The following TMEM259 variants were observed in gnomAD, a reference collection of about 807,000 sequenced individuals.
TMEM259 encodes the protein transmembrane protein 259.
TMEM259 carries 26 observed loss-of-function variants against 46.7 expected under a neutral mutation model. The ratio of observed to expected loss-of-function variants is 0.56; its 90% CI spans 0.41 to 0.77. The LOEUF (loss-of-function observed/expected upper bound fraction) is 0.77, where lower values mean the gene tolerates loss of function less well. Among genes scored for constraint, TMEM259 ranks in the 30% least tolerant of loss-of-function variants. The pLI, the probability that TMEM259 is intolerant of heterozygous loss-of-function variation, is 0.00. For missense variants in TMEM259, 930 were observed against 900.5 expected (o/e 1.03, Z -0.42); for synonymous variants, 494 against 395.1 (o/e 1.25, Z -2.97).
intron 10 of TMEM259, 77 bp downstream of exon 10, chr19:1,011,019 G>C: frequency 6.5e-7 from 1 of 1,547,292 alleles, no homozygotes; most frequent in Non-Finnish European, 8.7e-7. Context: ...ACCCCACAGG[G>C]CATCCTCCCC....
In TMEM259 at chr19:1,011,323, T is replaced by C. The variant is rs745585646; in HGVS notation, c.1217+44A>G. On this transcript the variant is annotated intron_variant, in intron 9 of 10. Transcript: ENST00000356663. ...CCTCCCTCTGGCAGCCCCCTACCCC[T>C]GCCCACCAGCACCCACTCCACCCTG... is the stretch of plus-strand genomic sequence containing the variant. 7 of 1,549,730 alleles carry C rather than the reference T, an allele frequency of 4.5e-6. No individual in the cohort carries two copies. The Admixed American group carries it at 1.3e-4, about 30-fold the overall frequency.
Position 1,009,979 on chromosome 19 carries a change from G to A in TMEM259, c.*371C>T, listed in dbSNP as rs1026700522. The stretch of plus-strand genomic sequence containing the variant: ...CTGAGGCCGGCCGGCACTAGGGCGC[G>A]AGGCCCCACCCCAAGCCGGCCTCTC... On this transcript the variant is annotated 3_prime_UTR_variant, in exon 11 of 11. Coordinates refer to ENST00000356663, the MANE Select transcript of TMEM259 (RefSeq NM_001033026.2). The A allele has an allele frequency of 4.9e-5, 16 of 323,812 alleles. No individual in the cohort carries two copies. The East Asian group carries it at 6.0e-4, about 12-fold the overall frequency. 20.1% of individuals were successfully genotyped at this position (323,812 alleles called of 1,614,324 possible).
At chr19:1,015,636 C>T (rs2039083074) in intron 1 of TMEM259, among the ~76,000 whole-genome samples, 1 of 151,642 alleles carries the variant, frequency 6.6e-6, no homozygotes, top group Admixed American at 6.6e-5. Context: ...AAGGGGGCGC[C>T]CACGGCCACA....
rs1045279225 is a variant in TMEM259 at position 1,011,235 on chromosome 19, C to T, written c.1218-40G>A. On this transcript the variant is annotated intron_variant, in intron 9 of 10. Coordinates refer to ENST00000356663, the MANE Select transcript of TMEM259 (RefSeq NM_001033026.2). Reference sequence around the variant, plus strand: ...GAGGGCGTCGGGGCTGCAGGTCCCACCCTGCCAGGCCCAGCCCCTGGGGTT... The same window carrying T: ...GAGGGCGTCGGGGCTGCAGGTCCCATCCTGCCAGGCCCAGCCCCTGGGGTT... 6 of 1,551,272 alleles carry T rather than the reference C, an allele frequency of 3.9e-6. No homozygotes were observed. In the East Asian group the frequency reaches 9.7e-5, roughly 25 times the overall value.
At chr19:1,015,830 C>T (rs1159408420) in intron 1 of TMEM259, among the ~76,000 whole-genome samples, 1 of 152,178 alleles carries the variant, frequency 6.6e-6, no homozygotes, top group Non-Finnish European at 1.5e-5. Context: ...CTCTTCCACG[C>T]CCACAGTGAG....
chr19:1,014,544 TGGG>T, intron 1 of TMEM259, 71 bp from the exon 2 acceptor site: 1 of 501,910 alleles, frequency 2.0e-6, no homozygotes, highest in East Asian at 3.7e-5. Flanking sequence ...GCCTACGTGA[TGGG>T]GCGTGATGGG....
intron 10 of TMEM259, 81 bp from the exon 11 acceptor site, chr19:1,010,976 G>C: frequency 6.5e-7 from 1 of 1,548,744 alleles, no homozygotes; most frequent in Admixed American, 1.9e-5. Flanking sequence ...GCCCACCCGG[G>C]ACCATCCACG....
rs751223604 is a variant in TMEM259 at position 1,011,759 on chromosome 19, G to C, written c.982C>G (p.Gln328Glu). The change falls in exon 7 of 11, where the codon CAG becomes GAG. Residue 328 changes from glutamine to glutamate, a missense_variant. Coordinates refer to ENST00000356663, the MANE Select transcript of TMEM259 (RefSeq NM_001033026.2). ...CACTCACCGATGAAGACGAAGATCT[G>C]GTGGTGTGAGTACCGCAGCAGCATG... ...VSMLLRYSHHQIFVFIVDLLQ... is the reference protein window; with the variant it reads ...VSMLLRYSHHEIFVFIVDLLQ... 2 of 1,557,380 alleles carry C rather than the reference G, an allele frequency of 1.3e-6. No individual in the cohort carries two copies.
chr19:1,011,346 C>T (rs1259632241), intron 9 of TMEM259, 21 bp downstream of exon 9: 1 of 1,562,550 alleles, frequency 6.4e-7, no homozygotes, highest in African/African-American at 1.4e-5. Context: ...CCACTCCACC[C>T]TGCCCCCGCG....
chr19:1,013,411 G>T, intron 2 of TMEM259, 71 bp from the exon 3 acceptor site: 2 of 1,486,516 alleles, frequency 1.3e-6, no homozygotes, highest in Admixed American at 3.5e-5. Context: ...TGAGGATACA[G>T]TCCTGCTAAT....
Position 1,010,948 on chromosome 19 carries a change from C to A in TMEM259, c.1318-53G>T. ...CGGGCCCGCCCCTGCCCCACCCAGC[C>A]GCTGCTCCCAGAGGGCAGCCCACCC... On this transcript the variant is annotated intron_variant, in intron 10 of 10. Coordinates refer to ENST00000356663, the MANE Select transcript of TMEM259 (RefSeq NM_001033026.2). 2.6e-6 allele frequency: 4 copies of A among 1,565,402 alleles called. No individual in the cohort carries two copies. In the Admixed American group the frequency reaches 7.3e-5, roughly 28 times the overall value.
At position 1,011,133 on chromosome 19, in the gene TMEM259, C is replaced by G; in HGVS notation, c.1280G>C (p.Ser427Thr). 1 of 1,604,236 alleles carries G rather than the reference C, an allele frequency of 6.2e-7. No individual in the cohort carries two copies. Among genetic ancestry groups the G allele is most frequent in the Non-Finnish European group, 8.5e-7 (1 of 1,175,154 alleles). Residue 427 changes from serine to threonine, a missense_variant, in exon 10 of 11, where the codon AGC (serine) becomes ACC (threonine). By Grantham distance (58) the Ser-to-Thr change is moderately conservative (BLOSUM62 1). Transcript: ENST00000356663. ...AYHYRFNGQY[S>T]SLALVTSWLF... ...CCAGGAGGTGACCAGGGCCAGGCTG[C>G]TATACTGCCCATTGAAGCGGTAGTG...
chr19:1,016,086 G>A (rs1417669420), intron 1 of TMEM259, among the ~76,000 whole-genome samples: 1 of 148,392 alleles, frequency 6.7e-6, no homozygotes, highest in Non-Finnish European at 1.5e-5. Context: ...CAAAAGAGCC[G>A]CAGGGGATGA....
In TMEM259 at chr19:1,010,292, C is replaced by A; in HGVS notation, c.*58G>T. On this transcript the variant is annotated 3_prime_UTR_variant, in exon 11 of 11. Coordinates refer to ENST00000356663, the MANE Select transcript of TMEM259 (RefSeq NM_001033026.2). ...AGGTGGCTGGCCTCCCCCACCCCCA[C>A]GGGCTCGGGAAGGTCAGGCCCAGCC... 7.3e-7 allele frequency: 1 copy of A among 1,377,536 alleles called. No homozygotes were observed. Among genetic ancestry groups the A allele is most frequent in the Non-Finnish European group, 9.4e-7 (1 of 1,063,244 alleles). The allele number at this position is 1,377,536 out of a possible 1,614,324, so 85.3% of individuals were successfully genotyped here. A position where few individuals can be genotyped will look rare whatever the true frequency, so the allele number is the denominator to read the frequency against.
In TMEM259 at chr19:1,010,289, C is replaced by T. The variant is rs1455565860; in HGVS notation, c.*61G>A. The T allele has an allele frequency of 1.5e-6, 2 of 1,377,666 alleles. No individual in the cohort carries two copies. The highest frequency in any genetic ancestry group is 1.5e-5 in the African/African-American group (1 of 65,122). 85.3% of individuals were successfully genotyped at this position (1,377,666 alleles called of 1,614,324 possible). On this transcript the variant is annotated 3_prime_UTR_variant, in exon 11 of 11. Transcript: ENST00000356663. The stretch of plus-strand genomic sequence containing the variant: ...AGGAGGTGGCTGGCCTCCCCCACCC[C>T]CACGGGCTCGGGAAGGTCAGGCCCA...
chr19:1,011,981 T>C lies in TMEM259; in HGVS notation c.853A>G (p.Asn285Asp). Residue 285 changes from asparagine (N) to aspartate (D), a missense_variant, in exon 6 of 11, where the codon AAT (asparagine) becomes GAT (aspartate). Asn to Asp is a conservative substitution (Grantham distance 23). Coordinates refer to ENST00000356663, the MANE Select transcript of TMEM259 (RefSeq NM_001033026.2). Reference protein sequence around the residue: ...ENEENKGFLRNVVSGEHYRFV... With the variant: ...ENEENKGFLRDVVSGEHYRFV... ...CGGTAGTGCTCGCCCGACACCACAT[T>C]CCGCAGGAAGCCTGCAGCAGAAGGA... The C allele has an allele frequency of 6.2e-7, 1 of 1,611,812 alleles. No homozygotes were observed.
Position 1,013,312 on chromosome 19 carries a change from A to G in TMEM259, c.536T>C (p.Phe179Ser). The change falls in exon 3 of 11, where the codon TTC becomes TCC. Residue 179 changes from phenylalanine (F) to serine (S), a missense_variant. Transcript: ENST00000356663. ...KFELDIEPKV[F>S]KPPSSTEALN... is the part of the protein sequence containing the mutation. The stretch of plus-strand genomic sequence containing the variant: ...GGCCTCTGTGCTACTCGGCGGCTTG[A>G]ACACCTTGGGCTCGATGTCCAGCTC... 6.2e-7 allele frequency: 1 copy of G among 1,613,644 alleles called. No individual in the cohort carries two copies. Among genetic ancestry groups the G allele is most frequent in the Non-Finnish European group, 8.5e-7 (1 of 1,179,760 alleles).
chr19:1,019,363 C>T (rs992020940), intron 1 of TMEM259, among the ~76,000 whole-genome samples: 3 of 152,250 alleles, frequency 2.0e-5, no homozygotes, highest in African/African-American at 7.2e-5. Context: ...GGAAAACCCA[C>T]GTCCACAGAC....
chr19:1,021,064 C>A lies in TMEM259; in HGVS notation c.-68G>T. On this transcript the variant is annotated 5_prime_UTR_variant, in exon 1 of 11. Transcript: ENST00000356663. ...GCGCCTCCCGGCCGCCATCGGCCGC[C>A]CTCGCAGCCGCCGCTCTCCTCACGG... The A allele has an allele frequency of 7.8e-7, 1 of 1,274,768 alleles. No homozygotes were observed. The highest frequency in any genetic ancestry group is 2.0e-5 in the South Asian group (1 of 49,396). The allele number at this position is 1,274,768 out of a possible 1,614,324, so 79.0% of individuals were successfully genotyped here. A position where few individuals can be genotyped will look rare whatever the true frequency, so the allele number is the denominator to read the frequency against.
Sources: gnomAD v4.1 joint callset for allele counts (sites outside exome capture counted in the v4.1 genomes callset) on GRCh38, gnomAD v4.1.1 for gene constraint, MANE v1.5 for transcripts, NCBI Gene and HGNC (gene_info 2026-07-23, HGNC 2026-07-21) for gene names.